The following ADAM22 variants were observed in gnomAD, a reference collection of about 807,000 sequenced individuals.
The protein encoded by ADAM22 is ADAM metallopeptidase domain 22.
A neutral mutation model predicts 144.6 loss-of-function variants in ADAM22; 65 were observed. That is an observed-to-expected ratio of 0.45 (90% CI 0.37 to 0.55). The LOEUF is 0.55. Ranked by LOEUF, ADAM22 falls within the 20% of genes least tolerant of loss-of-function variation. The pLI, the probability that ADAM22 is intolerant of heterozygous loss-of-function variation, is 0.00. For synonymous variants in ADAM22, 391 were observed against 412.6 expected, an observed-to-expected ratio of 0.95 and a Z score of 0.63; for missense variants, 974 against 1,184.9, an observed-to-expected ratio of 0.82 and a Z score of 2.61.
intron 2 of ADAM22, among the ~76,000 whole-genome samples, chr7:87,974,135 A>G (rs2129447923): frequency 6.6e-6 from 1 of 151,052 alleles, no homozygotes; most frequent in South Asian, 2.1e-4. Flanking sequence ...CTCTACTAAA[A>G]AGAAAAAAAT....
rs796752973 is a variant in ADAM22 at position 88,142,925 on chromosome 7, A to T, written c.1221-101A>T. The T allele has an allele frequency of 2.4e-5, 16 of 669,574 alleles. No homozygotes were observed. The African/African-American group carries it at 2.7e-4, about 11-fold the overall frequency. The allele number at this position is 669,574 out of a possible 1,614,324, so 41.5% of individuals were successfully genotyped here. A position where few individuals can be genotyped will look rare whatever the true frequency, so the allele number is the denominator to read the frequency against. On this transcript the variant is annotated intron_variant, in intron 14 of 31. Transcript: ENST00000413139. ...ATACATAAGTAGACTTTATTCCCTC[A>T]TTTTAAAGAGTAATATACAATTTTA... is the stretch of plus-strand genomic sequence containing the variant.
At chr7:88,116,842 T>A (rs1827879210) in intron 7 of ADAM22, 28 bp downstream of exon 7, 2 of 1,522,336 alleles carry the variant, frequency 1.3e-6, no homozygotes, top group African/African-American at 1.4e-5. Context: ...TGACTTTTTA[T>A]CTAAAAGACA....
intron 2 of ADAM22, among the ~76,000 whole-genome samples, chr7:87,965,098 A>T (rs1848753791): frequency 6.6e-6 from 1 of 152,080 alleles, no homozygotes; most frequent in Admixed American, 6.6e-5. Flanking sequence ...ATTCTAGCCC[A>T]CTGGCAAACA....
chr7:88,103,285 G>A lies in ADAM22; in HGVS notation c.391-4891G>A, dbSNP rs115451506. Among the ~76,000 whole-genome samples, 823 of 152,072 alleles carry A rather than the reference G, an allele frequency of 5.4e-3. 12 individuals are homozygous for A. The highest frequency in any genetic ancestry group is 0.017 in the African/African-American group (690 of 41,500). ...AGGTTTTCCTCATTTTATGGCCCAG[G>A]CTGTGTAACTTCCTTTGTGTTATCA... On this transcript the variant is annotated intron_variant, in intron 4 of 31. Coordinates refer to ENST00000413139, the MANE Select transcript of ADAM22 (RefSeq NM_001324418.2).
At chr7:88,178,788 T>C (rs1846298973) in intron 26 of ADAM22, 147 bp from the exon 27 acceptor site, 2 of 440,740 alleles carry the variant, frequency 4.5e-6, no homozygotes, top group Admixed American at 8.6e-5. Context: ...ACTTGTCTCA[T>C]TTATTGATAA....
At chr7:88,078,093 CA>C (rs1424619561) in intron 4 of ADAM22, among the ~76,000 whole-genome samples, 1 of 152,214 alleles carries the variant, frequency 6.6e-6, no homozygotes, top group Non-Finnish European at 1.5e-5. Flanking sequence ...AGGCACCCCC[CA>C]GTAGGGTCAG....
chr7:88,101,445 CA>C (rs1485841941), intron 4 of ADAM22, among the ~76,000 whole-genome samples: 1 of 152,086 alleles, frequency 6.6e-6, no homozygotes, highest in East Asian at 1.9e-4. Context: ...TTAGCATGAC[CA>C]AACCATTCCT....
intron 14 of ADAM22, among the ~76,000 whole-genome samples, chr7:88,136,380 A>G (rs1257755171): frequency 3.3e-5 from 5 of 152,202 alleles, no homozygotes; most frequent in African/African-American, 1.2e-4. Flanking sequence ...AACAAAAATT[A>G]GAAAACAGCC....
chr7:88,026,566 G>T (rs1799077699), intron 3 of ADAM22, among the ~76,000 whole-genome samples: 1 of 152,112 alleles, frequency 6.6e-6, no homozygotes. Context: ...ACTGATTTTT[G>T]TATGTTGTTT....
intron 4 of ADAM22, among the ~76,000 whole-genome samples, chr7:88,083,244 A>G (rs915569261): frequency 3.9e-5 from 6 of 152,144 alleles, no homozygotes; most frequent in African/African-American, 1.4e-4. Flanking sequence ...GAGGACAAAA[A>G]ACCAAACACC....
chr7:88,061,673 A>T (rs906233390), intron 3 of ADAM22, among the ~76,000 whole-genome samples: 3 of 152,148 alleles, frequency 2.0e-5, no homozygotes, highest in African/African-American at 4.8e-5. Context: ...ATATGCTGTC[A>T]TCCAGGCTTT....
In ADAM22 at chr7:88,124,676, T is replaced by C. The variant is rs549818311; in HGVS notation, c.608-913T>C. Among the ~76,000 whole-genome samples the C allele has an allele frequency of 2.0e-5, 3 of 152,126 alleles. No homozygotes were observed. The South Asian group carries it at 6.2e-4, about 32-fold the overall frequency. ...TTAGTTAATTATAAAGGAGAACTTA[T>C]TCCCTTTCTCAACAAATCCCTTGTA... On this transcript the variant is annotated intron_variant, in intron 7 of 31. Coordinates refer to ENST00000413139, the MANE Select transcript of ADAM22 (RefSeq NM_001324418.2).
In ADAM22 at chr7:88,135,970, T is replaced by A; in HGVS notation, c.1169-10T>A. The A allele has an allele frequency of 1.2e-6, 2 of 1,607,152 alleles. No individual in the cohort carries two copies. The highest frequency in any genetic ancestry group is 1.7e-5 in the Admixed American group (1 of 59,188). The stretch of plus-strand genomic sequence containing the variant: ...TTTATAACAAGGCATGTGTATTAAT[T>A]TTCTCTTAGGTGAATGTAAATGCGA... On this transcript the variant is annotated splice_polypyrimidine_tract_variant and intron_variant, in intron 13 of 31. Transcript: ENST00000413139.
intron 3 of ADAM22, among the ~76,000 whole-genome samples, chr7:88,061,057 T>C (rs1809698932): frequency 1.3e-5 from 2 of 151,968 alleles, no homozygotes; most frequent in Non-Finnish European, 2.9e-5. Context: ...TGAGCTGAGA[T>C]TGCACCACTG....
intron 17 of ADAM22, among the ~76,000 whole-genome samples, chr7:88,146,782 G>A (rs1836601125): frequency 6.6e-6 from 1 of 152,308 alleles, no homozygotes; most frequent in South Asian, 2.1e-4. Context: ...GTACAGTTAT[G>A]CCCCAGATCT....
chr7:88,134,570 C>A, intron 13 of ADAM22, 151 bp downstream of exon 13: 1 of 548,384 alleles, frequency 1.8e-6, no homozygotes, highest in Non-Finnish European at 3.2e-6. Context: ...TGTTGTTTTC[C>A]AAAGTAATAC....
intron 3 of ADAM22, among the ~76,000 whole-genome samples, chr7:88,038,162 A>G (rs143337102): frequency 6.9e-4 from 104 of 151,520 alleles, no homozygotes; most frequent in African/African-American, 2.4e-3. Context: ...CTGTGGATAG[A>G]TAAGTATACT....
chr7:87,946,385 C>G (rs1031857574), intron 2 of ADAM22, among the ~76,000 whole-genome samples: 1 of 152,060 alleles, frequency 6.6e-6, no homozygotes, highest in African/African-American at 2.4e-5. Flanking sequence ...TTAATTATGT[C>G]CTACTTGACA....
At chr7:88,104,588 A>G (rs1233489836) in intron 4 of ADAM22, among the ~76,000 whole-genome samples, 1 of 151,514 alleles carries the variant, frequency 6.6e-6, no homozygotes, top group African/African-American at 2.4e-5. Flanking sequence ...AAGCCCTTTA[A>G]CAGCCTAACT....
Sources: gnomAD v4.1 joint callset for allele counts (sites outside exome capture counted in the v4.1 genomes callset) on GRCh38, gnomAD v4.1.1 for gene constraint, MANE v1.5 for transcripts, NCBI Gene and HGNC (gene_info 2026-07-23, HGNC 2026-07-21) for gene names.